The following PDK3 variants were observed in gnomAD, a reference collection of about 807,000 sequenced individuals.
PDK3 encodes pyruvate dehydrogenase kinase 3, also known as pyruvate dehydrogenase kinase, isozyme 3.
PDK3 carries 12 observed loss-of-function variants against 32.0 expected under a neutral mutation model. The ratio of observed to expected loss-of-function variants is 0.37; its 90% CI spans 0.24 to 0.61. The LOEUF (loss-of-function observed/expected upper bound fraction) is 0.61, where lower values mean the gene tolerates loss of function less well. Ranked by LOEUF, PDK3 falls within the 20% of genes least tolerant of loss-of-function variation. PDK3 has a pLI of 0.65. For missense variants in PDK3, 188 were observed against 316.9 expected (o/e 0.59, Z 3.09); for synonymous variants, 122 against 116.3 (o/e 1.05, Z -0.31).
intron 5 of PDK3, among the ~76,000 whole-genome samples, chrX:24,505,629 T>C (rs757039464): frequency 2.6e-4 from 29 of 112,319 alleles, no homozygotes; most frequent in Non-Finnish European, 4.3e-4. Context: ...ATCCAAATTC[T>C]TATCATAAAA....
chrX:24,510,259 GATAA>G (rs1267493184), intron 5 of PDK3, among the ~76,000 whole-genome samples: 1 of 112,360 alleles, frequency 8.9e-6, no homozygotes, highest in Non-Finnish European at 1.9e-5. Context: ...TATACTGACA[GATAA>G]ATAAATTGTA....
At chrX:24,506,906 G>T (rs1177281568) in intron 5 of PDK3, among the ~76,000 whole-genome samples, 1 of 99,170 alleles carries the variant, frequency 1.0e-5, no homozygotes, top group Non-Finnish European at 2.0e-5. Flanking sequence ...TGTCCTTCGA[G>T]TTCAAGTGAT....
chrX:24,498,040 G>T (rs1038930649), intron 2 of PDK3, among the ~76,000 whole-genome samples: 1 of 111,538 alleles, frequency 9.0e-6, no homozygotes, highest in African/African-American at 3.3e-5. Context: ...TGTTTCTGAG[G>T]GTTTAATTGG....
chrX:24,509,566 T>C (rs923919060), intron 5 of PDK3, among the ~76,000 whole-genome samples: 175 of 110,706 alleles, frequency 1.6e-3, no homozygotes, highest in African/African-American at 5.4e-3. Flanking sequence ...TCCACACTCA[T>C]GGGGTAAGCA....
intron 6 of PDK3, 71 bp from the exon 7 acceptor site, chrX:24,526,127 A>T: frequency 1.3e-6 from 1 of 788,715 alleles, no homozygotes; most frequent in South Asian, 2.2e-5. Flanking sequence ...GGAAAATAGA[A>T]TGCAAACATC....
At chrX:24,518,574 C>T (rs1922315622) in intron 5 of PDK3, among the ~76,000 whole-genome samples, 1 of 111,569 alleles carries the variant, frequency 9.0e-6, no homozygotes, top group Admixed American at 9.5e-5. Context: ...AGGCCAGCTA[C>T]TTGGAAGGCT....
At chrX:24,517,925 A>G (rs1316886369) in intron 5 of PDK3, among the ~76,000 whole-genome samples, 19 of 112,171 alleles carry the variant, frequency 1.7e-4, no homozygotes, top group Non-Finnish European at 7.5e-5. Flanking sequence ...TCATTCAGCA[A>G]ATACTTACTG....
intron 1 of PDK3, among the ~76,000 whole-genome samples, chrX:24,471,117 T>C (rs1310929164): frequency 3.6e-5 from 4 of 110,809 alleles, no homozygotes; most frequent in African/African-American, 1.3e-4. Flanking sequence ...GACAAGTTGA[T>C]GGGTGCAGCA....
downstream of PDK3, among the ~76,000 whole-genome samples, chrX:24,537,261 C>CATGA: frequency 1.9e-5 from 2 of 103,903 alleles, no homozygotes; most frequent in Middle Eastern, 4.9e-3. Flanking sequence ...GGACTACAGG[C>CATGA]ATGAGCCACC....
chrX:24,482,810 A>T (rs1602104218), intron 1 of PDK3, among the ~76,000 whole-genome samples: 2 of 112,474 alleles, frequency 1.8e-5, no homozygotes, highest in African/African-American at 3.2e-5. Context: ...TTAATTTCTG[A>T]TGCCTACCAG....
chrX:24,545,662 C>T (rs929403225), exon 12 of PDK3: 1 of 111,376 alleles, frequency 9.0e-6, no homozygotes, highest in African/African-American at 3.3e-5. Flanking sequence ...AAGACCGGTA[C>T]CCACATGTAA....
At chrX:24,523,367 G>T (rs1395224958) in intron 6 of PDK3, among the ~76,000 whole-genome samples, 1 of 112,459 alleles carries the variant, frequency 8.9e-6, no homozygotes, top group Non-Finnish European at 1.9e-5. Context: ...TCCATAAGAG[G>T]CATGAATCCC....
At chrX:24,489,111 T>A (rs1225512706) in intron 1 of PDK3, among the ~76,000 whole-genome samples, 5 of 110,373 alleles carry the variant, frequency 4.5e-5, no homozygotes, top group African/African-American at 6.6e-5. Flanking sequence ...GTTTATTATT[T>A]AAAAAAAAAT....
intron 1 of PDK3, among the ~76,000 whole-genome samples, chrX:24,482,689 C>T (rs762521141): frequency 1.6e-4 from 18 of 112,216 alleles, no homozygotes; most frequent in Non-Finnish European, 2.3e-4. Flanking sequence ...TTGATACCTA[C>T]TCCACTTACT....
chrX:24,470,984 A>G (rs1192932012), intron 1 of PDK3, among the ~76,000 whole-genome samples: 2 of 110,596 alleles, frequency 1.8e-5, no homozygotes, highest in African/African-American at 6.6e-5. Flanking sequence ...GTTCTCACTC[A>G]TAAGTGGGAG....
intron 3 of PDK3, among the ~76,000 whole-genome samples, chrX:24,499,853 C>T (rs1420652931): frequency 8.9e-6 from 1 of 112,215 alleles, no homozygotes; most frequent in Non-Finnish European, 1.9e-5. Context: ...CAAAAGCCCT[C>T]ACCTATTTTA....
intron 5 of PDK3, among the ~76,000 whole-genome samples, chrX:24,514,338 A>C (rs920314686): frequency 8.9e-6 from 1 of 111,935 alleles, no homozygotes; most frequent in Non-Finnish European, 1.9e-5. Context: ...AGTTTTGTTA[A>C]TTACTTTATA....
intron 1 of PDK3, among the ~76,000 whole-genome samples, chrX:24,490,884 A>G (rs1921538656): frequency 9.0e-6 from 1 of 111,376 alleles, no homozygotes; most frequent in Non-Finnish European, 1.9e-5. Context: ...AAACATGTAT[A>G]CTTTCATTAC....
chrX:24,506,802 T>TA (rs1921991727), intron 5 of PDK3, among the ~76,000 whole-genome samples: 1 of 34,976 alleles, frequency 2.9e-5, no homozygotes, highest in Non-Finnish European at 4.9e-5. Flanking sequence ...TTTTTCTTTC[T>TA]TTTTTTTTTT....
Sources: gnomAD v4.1 joint callset for allele counts (sites outside exome capture counted in the v4.1 genomes callset) on GRCh38, gnomAD v4.1.1 for gene constraint, MANE v1.5 for transcripts, NCBI Gene and HGNC (gene_info 2026-07-23, HGNC 2026-07-21) for gene names.